SPTBN4: variants seen among roughly 807,000 people sequenced by gnomAD.
SPTBN4 encodes the protein spectrin beta, non-erythrocytic 4, also known as spectrin beta chain, non-erythrocytic 4.
A neutral mutation model predicts 277.8 loss-of-function variants in SPTBN4; 96 were observed. The ratio of observed to expected loss-of-function variants is 0.35; its 90% CI spans 0.29 to 0.41. SPTBN4 has a LOEUF of 0.41. Ranked by LOEUF, SPTBN4 falls within the 10% of genes least tolerant of loss-of-function variation. The pLI, the probability that SPTBN4 is intolerant of heterozygous loss-of-function variation, is 1.00. For missense variants in SPTBN4, 3,006 were observed against 3,595.7 expected (o/e 0.84, Z 4.19); for synonymous variants, 1,481 against 1,580.3 (o/e 0.94, Z 1.49).
chr19:40,505,815 A>T, intron 12 of SPTBN4, among the ~76,000 whole-genome samples: 1 of 152,090 alleles, frequency 6.6e-6, no homozygotes, highest in African/African-American at 2.4e-5. Flanking sequence ...AGAAAGAGAA[A>T]AGGGTAGAAA....
intron 17 of SPTBN4, among the ~76,000 whole-genome samples, chr19:40,525,700 A>T (rs567244973): frequency 6.6e-6 from 1 of 152,276 alleles, no homozygotes; most frequent in African/African-American, 2.4e-5. Flanking sequence ...TGTTCACAGA[A>T]ATGACCAGGA....
chr19:40,557,425 G>A, intron 26 of SPTBN4, 22 bp downstream of exon 26: 2 of 1,536,606 alleles, frequency 1.3e-6, no homozygotes. Context: ...GTGGCCATCA[G>A]GGCAGGTGGG....
At chr19:40,518,753 A>G (rs1324647075) in intron 15 of SPTBN4, among the ~76,000 whole-genome samples, 1 of 152,124 alleles carries the variant, frequency 6.6e-6, no homozygotes, top group Admixed American at 6.6e-5. Context: ...TTTAAAAATA[A>G]CAATACACTG....
chr19:40,556,055 C>T lies in SPTBN4; in HGVS notation c.5085-29C>T, dbSNP rs930643719. Reference sequence around the variant, plus strand: ...CTCTGCCCCAGAAGTCTCAGGGGTCCATCCCTGCCCCTCCATGTCCCCCTT... The same window carrying T: ...CTCTGCCCCAGAAGTCTCAGGGGTCTATCCCTGCCCCTCCATGTCCCCCTT... On this transcript the variant is annotated intron_variant, in intron 24 of 35. Coordinates refer to ENST00000598249, the MANE Select transcript of SPTBN4 (RefSeq NM_020971.3). 6 of 1,589,250 alleles carry T rather than the reference C, an allele frequency of 3.8e-6. No individual in the cohort carries two copies. In the African/African-American group the frequency reaches 6.7e-5, roughly 18 times the overall value.
In SPTBN4 at chr19:40,499,068, C is replaced by T. The variant is rs577134669; in HGVS notation, c.784+1464C>T. On this transcript the variant is annotated intron_variant, in intron 7 of 35. Transcript: ENST00000598249. ...TTTGAGACAGAGCCTCGCTCTGTCA[C>T]TCAGACTGGAGTGCAGTGGGGGCGA... Among the ~76,000 whole-genome samples, 9 of 152,140 alleles carry T rather than the reference C, an allele frequency of 5.9e-5. No homozygotes were observed. In the South Asian group the frequency reaches 1.9e-3, roughly 32 times the overall value.
intron 24 of SPTBN4, chr19:40,555,347 TG>T (rs1340090991): frequency 6.6e-6 from 1 of 151,714 alleles, no homozygotes; most frequent in Non-Finnish European, 1.5e-5. Flanking sequence ...AAAAATTAGC[TG>T]GGCATGGTGG....
chr19:40,529,218 C>T (rs1297186282), intron 18 of SPTBN4, 87 bp downstream of exon 18: 6 of 1,311,236 alleles, frequency 4.6e-6, no homozygotes, highest in South Asian at 2.4e-5. Context: ...GTGGGGACGC[C>T]CCGTCTAAGT....
chr19:40,530,794 A>G (rs1455045766), intron 18 of SPTBN4: 1 of 156,004 alleles, frequency 6.4e-6, no homozygotes, highest in Non-Finnish European at 1.4e-5. Flanking sequence ...CGCGGGCGGG[A>G]CTGAGGGGCC....
chr19:40,569,856 G>T, intron 32 of SPTBN4, 130 bp downstream of exon 32: 1 of 799,846 alleles, frequency 1.3e-6, no homozygotes, highest in Non-Finnish European at 1.9e-6. Context: ...GAGACAGCAT[G>T]GACTCTCAGG....
At position 40,545,903 on chromosome 19, in the gene SPTBN4, C is replaced by T. The variant is rs187449068; in HGVS notation, c.4360-3286C>T. On this transcript the variant is annotated intron_variant, in intron 20 of 35. Coordinates refer to ENST00000598249, the MANE Select transcript of SPTBN4 (RefSeq NM_020971.3). Reference sequence around the variant, plus strand: ...AAAAATACAAAAAAAATTAGTCAGGCGTGGTGGTGGGCACCTGTAGTCCCA... The same window carrying T: ...AAAAATACAAAAAAAATTAGTCAGGTGTGGTGGTGGGCACCTGTAGTCCCA... Among the ~76,000 whole-genome samples, 1,110 of 152,068 alleles carry T rather than the reference C, an allele frequency of 7.3e-3. 15 individuals carry two copies. The highest frequency in any genetic ancestry group is 0.026 in the African/African-American group (1,071 of 41,504).
In SPTBN4 at chr19:40,554,502, C is replaced by T. The variant is rs773865625; in HGVS notation, c.4954-14C>T. The T allele has an allele frequency of 3.4e-6, 5 of 1,480,420 alleles. No individual in the cohort carries two copies. Among genetic ancestry groups the T allele is most frequent in the Non-Finnish European group, 4.5e-6 (5 of 1,111,924 alleles). 91.7% of individuals were successfully genotyped at this position (1,480,420 alleles called of 1,614,324 possible). ...CGCCGCTGCCGCCTCATCGTGGGCG[C>T]TTTGTGCCCCCAGGACGAACAGAGC... On this transcript the variant is annotated splice_polypyrimidine_tract_variant and intron_variant, in intron 23 of 35. Coordinates refer to ENST00000598249, the MANE Select transcript of SPTBN4 (RefSeq NM_020971.3). This position sits in a 1 kb window ranked among gnomAD's most constrained non-coding sequence, Gnocchi z 5.7.
chr19:40,498,715 T>G lies in SPTBN4; in HGVS notation c.784+1111T>G, dbSNP rs368166022. ...CACCATGCCCGGCCTATTTATTTAA[T>G]TTTTGAGACGGGGTCTGGCTCTGTT... On this transcript the variant is annotated intron_variant, in intron 7 of 35. Coordinates refer to ENST00000598249, the MANE Select transcript of SPTBN4 (RefSeq NM_020971.3). Among the ~76,000 whole-genome samples, 8 of 151,124 alleles carry G rather than the reference T, an allele frequency of 5.3e-5. No homozygotes were observed. In the East Asian group the frequency reaches 9.8e-4, roughly 18 times the overall value.
In SPTBN4 at chr19:40,554,461, C is replaced by T. The variant is rs533919225; in HGVS notation, c.4953+36C>T. The T allele has an allele frequency of 2.7e-6, 4 of 1,502,388 alleles. No homozygotes were observed. In the East Asian group the frequency reaches 9.9e-5, roughly 37 times the overall value. 93.1% of individuals were successfully genotyped at this position (1,502,388 alleles called of 1,614,324 possible). A position where few individuals can be genotyped will look rare whatever the true frequency, so the allele number is the denominator to read the frequency against. ...GCTGGGGGTGCGGAGGGCCTGGGGGCGCTGGAGCCGGGGGCCGCCGCTGCC... is the reference window on the plus strand; with the variant it reads ...GCTGGGGGTGCGGAGGGCCTGGGGGTGCTGGAGCCGGGGGCCGCCGCTGCC... On this transcript the variant is annotated intron_variant, in intron 23 of 35. Transcript: ENST00000598249. The surrounding 1 kb of genome is among the most constrained non-coding windows in gnomAD (Gnocchi z 5.7).
At position 40,502,336 on chromosome 19, in the gene SPTBN4, G is replaced by A. The variant is rs1207350453; in HGVS notation, c.1085+21G>A. ...GTCAAGTGAGGCCCAGCTCTGGAGGGAGGGTGGGCAGGGGTGGCATGACGG... is the reference window on the plus strand; with the variant it reads ...GTCAAGTGAGGCCCAGCTCTGGAGGAAGGGTGGGCAGGGGTGGCATGACGG... On this transcript the variant is annotated intron_variant, in intron 9 of 35. Transcript: ENST00000598249. The surrounding 1 kb of genome is among the most constrained non-coding windows in gnomAD (Gnocchi z 4.9). 6.2e-7 allele frequency: 1 copy of A among 1,605,630 alleles called. No homozygotes were observed. The highest frequency in any genetic ancestry group is 1.7e-5 in the Admixed American group (1 of 59,956).
chr19:40,523,343 G>T (rs563822325), intron 16 of SPTBN4, 94 bp from the exon 17 acceptor site: 11 of 1,220,122 alleles, frequency 9.0e-6, no homozygotes, highest in African/African-American at 3.0e-5. Context: ...TGCTTGCAAG[G>T]TTGCGGGGAG....
At chr19:40,572,550 C>CAGTGGGG in intron 35 of SPTBN4, 170 bp downstream of exon 35, 1 of 768,322 alleles carries the variant, frequency 1.3e-6, no homozygotes, top group South Asian at 1.8e-5. Flanking sequence ...GTTCCTAACC[C>CAGTGGGG]AGTGGGGAGT....
intron 30 of SPTBN4, 106 bp downstream of exon 30, chr19:40,566,465 T>C: frequency 9.1e-7 from 1 of 1,094,892 alleles, no homozygotes; most frequent in Non-Finnish European, 1.2e-6. Context: ...TGGTCCTGTG[T>C]TGTGTGAGTG....
intron 3 of SPTBN4, among the ~76,000 whole-genome samples, chr19:40,488,993 C>T (rs947413610): frequency 2.6e-5 from 4 of 151,548 alleles, no homozygotes; most frequent in African/African-American, 9.7e-5. Context: ...AATAAATAAC[C>T]CAAGCGCTGT....
At chr19:40,530,919 G>C (rs1249160349) in intron 18 of SPTBN4, 1 of 151,368 alleles carries the variant, frequency 6.6e-6, no homozygotes, top group African/African-American at 2.4e-5. Flanking sequence ...GCTCTTCTCC[G>C]GGTAATGGGG....
Sources: allele counts gnomAD v4.1 joint callset (sites outside exome capture counted in the v4.1 genomes callset), GRCh38; gene constraint gnomAD v4.1.1; non-coding constraint Gnocchi (gnomAD v3.1); transcripts MANE v1.5; gene names NCBI Gene and HGNC (gene_info 2026-07-23, HGNC 2026-07-21).